Variants in DENND3 observed in about 807,000 individuals in gnomAD.
DENND3 encodes DENN domain containing 3.
A neutral mutation model predicts 135.1 loss-of-function variants in DENND3; 88 were observed. The observed-to-expected ratio is 0.65, with a 90% CI of 0.55 to 0.78. DENND3 has a LOEUF of 0.78. Ranked by LOEUF, DENND3 falls within the 30% of genes least tolerant of loss-of-function variation. The probability of loss-of-function intolerance (pLI) is 0.00; values close to 1 mark genes in which losing one functional copy is unlikely to be tolerated. For missense variants in DENND3, 1,392 were observed against 1,688.4 expected (o/e 0.82, Z 3.08); for synonymous variants, 693 against 712.3 (o/e 0.97, Z 0.43).
At chr8:141,131,086 A>T (rs1274083946) in intron 1 of DENND3, among the ~76,000 whole-genome samples, 1 of 152,134 alleles carries the variant, frequency 6.6e-6, no homozygotes, top group Non-Finnish European at 1.5e-5. Flanking sequence ...CGGAGGTATG[A>T]GGAATATCCA....
At chr8:141,181,988 T>C (rs1823190012) in intron 17 of DENND3, among the ~76,000 whole-genome samples, 2 of 150,632 alleles carry the variant, frequency 1.3e-5, no homozygotes, top group South Asian at 2.1e-4. Flanking sequence ...GAGACGGGGT[T>C]TCGCCATGTT....
In DENND3 at chr8:141,141,053, A is replaced by G; in HGVS notation, c.502-150A>G. 8.1e-7 allele frequency: 1 copy of G among 1,234,170 alleles called. No individual in the cohort carries two copies. The highest frequency in any genetic ancestry group is 2.0e-5 in the Admixed American group (1 of 50,836). The allele number at this position is 1,234,170 out of a possible 1,614,324, so 76.5% of individuals were successfully genotyped here. On this transcript the variant is annotated intron_variant, in intron 3 of 22. Transcript: ENST00000519811. This position sits in a 1 kb window ranked among gnomAD's most constrained non-coding sequence, Gnocchi z 5.3. ...CCAAATAGGGACCCCGTAGACTTCG[A>G]CCGGAGGGCCGGTGCTGGCTTGGAC...
rs1436518746 is a variant in DENND3 at position 141,150,367 on chromosome 8, C to T, written c.736-467C>T. The T allele has an allele frequency of 4.8e-6, 6 of 1,239,826 alleles. No homozygotes were observed. The East Asian group carries it at 1.8e-4, about 36-fold the overall frequency. The allele number at this position is 1,239,826 out of a possible 1,614,324, so 76.8% of individuals were successfully genotyped here. The stretch of plus-strand genomic sequence containing the variant: ...CTTCAAAGTAATACATTTAGAAAAA[C>T]GTCTTTCTTAAAATTTGAAATGCAC... On this transcript the variant is annotated intron_variant, in intron 5 of 22. Coordinates refer to ENST00000519811, the MANE Select transcript of DENND3 (RefSeq NM_001352890.3).
intron 1 of DENND3, among the ~76,000 whole-genome samples, chr8:141,129,136 C>A (rs765150040): frequency 3.3e-5 from 5 of 152,232 alleles, no homozygotes; most frequent in Non-Finnish European, 7.3e-5. Context: ...TCTCTGGGGC[C>A]TCTCTCTTCA....
chr8:141,128,776 C>A lies in DENND3; in HGVS notation c.69C>A (p.Gly23=). ...TGCTGGAGCTCTGCGCGCTGCTGGG[C>A]GCCCCCCGGGACAGTCTCCGAAGTC... ...SGLLELCALL[G]APRDSLRSLE... Residue 23 remains glycine, a synonymous_variant, in exon 1 of 23, where the codon GGC becomes GGA. Coordinates refer to ENST00000519811, the MANE Select transcript of DENND3 (RefSeq NM_001352890.3). This position sits in a 1 kb window ranked among gnomAD's most constrained non-coding sequence, Gnocchi z 4.5. The A allele has an allele frequency of 6.8e-7, 1 of 1,469,296 alleles. No homozygotes were observed. The highest frequency in any genetic ancestry group is 9.0e-7 in the Non-Finnish European group (1 of 1,113,300). 91.0% of individuals were successfully genotyped at this position (1,469,296 alleles called of 1,614,324 possible). A position where few individuals can be genotyped will look rare whatever the true frequency, so the allele number is the denominator to read the frequency against.
intron 13 of DENND3, among the ~76,000 whole-genome samples, chr8:141,170,981 T>TCATGTGGC (rs958871487): frequency 1.3e-5 from 2 of 152,062 alleles, no homozygotes; most frequent in African/African-American, 4.8e-5. Flanking sequence ...CAGAATCGTG[T>TCATGTGGC]CATGTGGCCG....
chr8:141,142,296 A>G, intron 4 of DENND3: 1 of 443,228 alleles, frequency 2.3e-6, no homozygotes, highest in Non-Finnish European at 4.5e-6. Flanking sequence ...TTGTTTGATT[A>G]AAGGCCGAGG....
Position 141,138,593 on chromosome 8 carries a change from C to T in DENND3, c.501+456C>T, listed in dbSNP as rs1040607813. Among the ~76,000 whole-genome samples the T allele has an allele frequency of 6.6e-6, 1 of 152,060 alleles. No homozygotes were observed. Among genetic ancestry groups the T allele is most frequent in the Non-Finnish European group, 1.5e-5 (1 of 68,020 alleles). On this transcript the variant is annotated intron_variant, in intron 3 of 22. Coordinates refer to ENST00000519811, the MANE Select transcript of DENND3 (RefSeq NM_001352890.3). The surrounding 1 kb of genome is among the most constrained non-coding windows in gnomAD (Gnocchi z 4.8). ...TGGAGACGGGGTTTCACCATGTTGG[C>T]CGGGCTGGTTTCGAACTCCTGACCT... is the stretch of plus-strand genomic sequence containing the variant.
rs905435447 is a variant in DENND3, at chr8:141,168,698, G to C, written c.2275+173G>C. Among the ~76,000 whole-genome samples the C allele has an allele frequency of 6.6e-6, 1 of 151,754 alleles. No individual in the cohort carries two copies. The highest frequency in any genetic ancestry group is 1.5e-5 in the Non-Finnish European group (1 of 67,950). On this transcript the variant is annotated intron_variant, in intron 13 of 22. Transcript: ENST00000519811. This position sits in a 1 kb window ranked among gnomAD's most constrained non-coding sequence, Gnocchi z 6.2. ...GTAGCTGGGACTAGACTACAGGTACGCGACACCGTGCCCGGCTAATTTTAG... is the reference window on the plus strand; with the variant it reads ...GTAGCTGGGACTAGACTACAGGTACCCGACACCGTGCCCGGCTAATTTTAG...
chr8:141,138,211 CATTCACCATTCT>C lies in DENND3; in HGVS notation c.501+76_501+87del. ...TTATGGTGAAATACACATAACACAACATTCACCATTCTAACCATTTTAAAGTGTGCAGTTCCG... is the reference window on the plus strand; with the variant it reads ...TTATGGTGAAATACACATAACACAACAACCATTTTAAAGTGTGCAGTTCCG... On this transcript the variant is annotated intron_variant, in intron 3 of 22. Transcript: ENST00000519811. The surrounding 1 kb of genome is among the most constrained non-coding windows in gnomAD (Gnocchi z 4.8). 7.1e-7 allele frequency: 1 copy of C among 1,398,806 alleles called. No homozygotes were observed. Among genetic ancestry groups the C allele is most frequent in the Non-Finnish European group, 9.9e-7 (1 of 1,010,850 alleles). 86.6% of individuals were successfully genotyped at this position (1,398,806 alleles called of 1,614,324 possible).
chr8:141,133,717 G>T (rs931186796), intron 1 of DENND3, among the ~76,000 whole-genome samples: 1 of 151,184 alleles, frequency 6.6e-6, no homozygotes, highest in African/African-American at 2.4e-5. Flanking sequence ...GGCATGGTGG[G>T]GCTGGGGCCC....
intron 4 of DENND3, chr8:141,142,231 G>A (rs1205956701): frequency 1.0e-5 from 4 of 388,856 alleles, no homozygotes; most frequent in East Asian, 7.4e-5. Flanking sequence ...GTGGGCACTT[G>A]TGCACGGAGC....
chr8:141,193,018 TC>T, intron 22 of DENND3: 1 of 716,392 alleles, frequency 1.4e-6, no homozygotes, highest in Non-Finnish European at 1.9e-6. Context: ...GGCCCTTCTC[TC>T]CCCCACCCGC....
At position 141,194,320 on chromosome 8, in the gene DENND3, G is replaced by T; in HGVS notation, c.*87G>T. Reference sequence around the variant, plus strand: ...GCCTGCCAGGAGCAGAAGCCTGGAGGGGTGGCAGGGCAGAGCAGCCCAGGC... The same window carrying T: ...GCCTGCCAGGAGCAGAAGCCTGGAGTGGTGGCAGGGCAGAGCAGCCCAGGC... On this transcript the variant is annotated 3_prime_UTR_variant, in exon 23 of 23. Transcript: ENST00000519811. The T allele has an allele frequency of 2.0e-6, 3 of 1,491,344 alleles. No homozygotes were observed. Among genetic ancestry groups the T allele is most frequent in the Non-Finnish European group, 2.7e-6 (3 of 1,099,916 alleles). The allele number at this position is 1,491,344 out of a possible 1,614,324, so 92.4% of individuals were successfully genotyped here.
chr8:141,183,178 A>C (rs1823398544), intron 17 of DENND3, among the ~76,000 whole-genome samples: 1 of 152,250 alleles, frequency 6.6e-6, no homozygotes, highest in African/African-American at 2.4e-5. Flanking sequence ...TAAAGAAAAA[A>C]ATGCATAAAT....
In DENND3 at chr8:141,141,079, G is replaced by A. The variant is rs2154612768; in HGVS notation, c.502-124G>A. The A allele has an allele frequency of 6.2e-6, 9 of 1,455,838 alleles. No individual in the cohort carries two copies. The highest frequency in any genetic ancestry group is 2.3e-5 in the East Asian group (1 of 43,884). The allele number at this position is 1,455,838 out of a possible 1,614,324, so 90.2% of individuals were successfully genotyped here. A position where few individuals can be genotyped will look rare whatever the true frequency, so the allele number is the denominator to read the frequency against. Reference sequence around the variant, plus strand: ...CCGGAGGGCCGGTGCTGGCTTGGACGCGTTGCAGGGGTGGGGATGGTGGAC... The same window carrying A: ...CCGGAGGGCCGGTGCTGGCTTGGACACGTTGCAGGGGTGGGGATGGTGGAC... On this transcript the variant is annotated intron_variant, in intron 3 of 22. Coordinates refer to ENST00000519811, the MANE Select transcript of DENND3 (RefSeq NM_001352890.3). This position sits in a 1 kb window ranked among gnomAD's most constrained non-coding sequence, Gnocchi z 5.3.
intron 1 of DENND3, among the ~76,000 whole-genome samples, chr8:141,135,305 C>T (rs1219750704): frequency 2.6e-5 from 4 of 152,150 alleles, no homozygotes; most frequent in Non-Finnish European, 5.9e-5. Flanking sequence ...GCATGTGCCA[C>T]TATGCCTGGC....
chr8:141,192,525 G>A lies in DENND3; in HGVS notation c.3499-1G>A, dbSNP rs749908529. 1 of 1,599,012 alleles carries A rather than the reference G, an allele frequency of 6.3e-7. No individual in the cohort carries two copies. The highest frequency in any genetic ancestry group is 1.7e-5 in the Admixed American group (1 of 58,416). The stretch of plus-strand genomic sequence containing the variant: ...AGCCCACACCGTGCCCTGCGTTTCA[G>A]GAGGAGCAGCTGTGGGCGGCCTGTG... On this transcript the variant is annotated splice_acceptor_variant, in intron 21 of 22. Coordinates refer to ENST00000519811, the MANE Select transcript of DENND3 (RefSeq NM_001352890.3). LOFTEE classifies it high-confidence loss of function.
At position 141,154,349 on chromosome 8, in the gene DENND3, C is replaced by T. The variant is rs765620436; in HGVS notation, c.1075-1500C>T. ...ATATCTCAAATATTCCAGGGCTACG[C>T]GGTCTCTTAGCCCAGGCCCCTGCCC... On this transcript the variant is annotated intron_variant, in intron 7 of 22. Transcript: ENST00000519811. The surrounding 1 kb of genome is among the most constrained non-coding windows in gnomAD (Gnocchi z 4.4). Among the ~76,000 whole-genome samples, 8 of 152,160 alleles carry T rather than the reference C, an allele frequency of 5.3e-5. No individual in the cohort carries two copies. The highest frequency in any genetic ancestry group is 2.1e-4 in the South Asian group (1 of 4,818).
Sources: gnomAD v4.1 joint callset for allele counts (sites outside exome capture counted in the v4.1 genomes callset) on GRCh38, gnomAD v4.1.1 for gene constraint, Gnocchi (gnomAD v3.1) non-coding constraint, MANE v1.5 for transcripts, NCBI Gene and HGNC (gene_info 2026-07-23, HGNC 2026-07-21) for gene names.